Variants in ANK2 observed in about 807,000 individuals in gnomAD.
The protein encoded by ANK2 is ankyrin-2.
ANK2 carries 83 observed loss-of-function variants against 360.5 expected under a neutral mutation model. That is an observed-to-expected ratio of 0.23 (90% CI 0.19 to 0.28). ANK2 has a LOEUF of 0.28. Among genes scored for constraint, ANK2 ranks in the 10% least tolerant of loss-of-function variants. ANK2 has a pLI of 1.00. For missense variants in ANK2, 4,201 were observed against 4,795.7 expected (o/e 0.88, Z 3.66); for synonymous variants, 1,740 against 1,759.5 (o/e 0.99, Z 0.28).
chr4:112,890,813 T>G (rs1228102215), intron 1 of ANK2, among the ~76,000 whole-genome samples: 11 of 152,074 alleles, frequency 7.2e-5, no homozygotes, highest in Non-Finnish European at 1.6e-4. Context: ...GTGATCTGCC[T>G]GCCTCAGCCT....
chr4:113,122,785 C>T (rs1007474796), intron 1 of ANK2, among the ~76,000 whole-genome samples: 13 of 151,994 alleles, frequency 8.6e-5, no homozygotes, highest in South Asian at 2.1e-4. Context: ...TTCTTTATCA[C>T]TCCTCTGATT....
chr4:113,180,900 G>A (rs561039374), intron 2 of ANK2, among the ~76,000 whole-genome samples: 1 of 152,280 alleles, frequency 6.6e-6, no homozygotes, highest in South Asian at 2.1e-4. Context: ...TCTGGTTCTG[G>A]TTATGTGGTT....
At chr4:113,251,270 C>T (rs1191164905) in intron 10 of ANK2, among the ~76,000 whole-genome samples, 1 of 152,006 alleles carries the variant, frequency 6.6e-6, no homozygotes, top group African/African-American at 2.4e-5. Context: ...ATGAAGATGG[C>T]AGGTTACCTG....
At chr4:112,949,747 T>G (rs2094807295) in intron 2 of ANK2, among the ~76,000 whole-genome samples, 1 of 152,228 alleles carries the variant, frequency 6.6e-6, no homozygotes, top group Non-Finnish European at 1.5e-5. Context: ...TAAGCCTTTC[T>G]AAATTTGATG....
Position 113,354,923 on chromosome 4 carries a change from A to G in ANK2, c.6305A>G (p.Glu2102Gly). 1 of 1,614,142 alleles carries G rather than the reference A, an allele frequency of 6.2e-7. No individual in the cohort carries two copies. The highest frequency in any genetic ancestry group is 8.5e-7 in the Non-Finnish European group (1 of 1,180,012). Reference sequence around the variant, plus strand: ...GAACCTGTTCAGTCAGTGCCTGAAGAAGAAAGCCACAGAGAGAGCGAAGTG... The same window carrying G: ...GAACCTGTTCAGTCAGTGCCTGAAGGAGAAAGCCACAGAGAGAGCGAAGTG... ...IPEPVQSVPE[E>G]ESHRESEVPK... Residue 2102 changes from glutamate to glycine, a missense_variant, in exon 38 of 46, where the codon GAA becomes GGA. Coordinates refer to ENST00000357077, the MANE Select transcript of ANK2 (RefSeq NM_001148.6).
In ANK2 at chr4:113,369,750, C is replaced by G. The variant is rs786205739; in HGVS notation, c.11555C>G (p.Ala3852Gly). Residue 3852 changes from alanine to glycine, a missense_variant, in exon 43 of 46, where the codon GCC becomes GGC. Transcript: ENST00000357077. ...ACCAGCCTCGTAATAGTGGAGTCTG[C>G]CGATAACCAGCCTGAGACCTGTGAA... The part of the protein sequence containing the change: ...RKTSLVIVES[A>G]DNQPETCERL... The G allele has an allele frequency of 6.2e-7, 1 of 1,613,946 alleles. No individual in the cohort carries two copies. Among genetic ancestry groups the G allele is most frequent in the East Asian group, 2.2e-5 (1 of 44,878 alleles).
At chr4:113,350,034 A>G (rs1010840372) in intron 36 of ANK2, among the ~76,000 whole-genome samples, 194 bp from the exon 37 acceptor site, 8 of 152,146 alleles carry the variant, frequency 5.3e-5, no homozygotes, top group Non-Finnish European at 1.2e-4. Flanking sequence ...TCTAGAAAAC[A>G]GAAGGTTTTT....
At chr4:113,147,329 C>T (rs1337365987) in intron 1 of ANK2, among the ~76,000 whole-genome samples, 1 of 152,180 alleles carries the variant, frequency 6.6e-6, no homozygotes, top group East Asian at 1.9e-4. Flanking sequence ...CTGGACTTCT[C>T]AGAGCAGTCA....
At chr4:113,263,653 C>T (rs2054301300) in intron 13 of ANK2, among the ~76,000 whole-genome samples, 2 of 152,184 alleles carry the variant, frequency 1.3e-5, no homozygotes, top group South Asian at 4.1e-4. Flanking sequence ...AAATTATTCT[C>T]TGCAGTTTGT....
At chr4:113,351,414 G>T (rs1356263379) in intron 37 of ANK2, among the ~76,000 whole-genome samples, 1 of 151,980 alleles carries the variant, frequency 6.6e-6, no homozygotes, top group Non-Finnish European at 1.5e-5. Flanking sequence ...TGAGATTCTG[G>T]ATGTTTTCAT....
At chr4:112,935,843 A>AAAAC (rs59674042) in intron 2 of ANK2, among the ~76,000 whole-genome samples, 1,665 of 150,860 alleles carry the variant, frequency 0.011, 19 homozygotes, top group African/African-American at 0.03. Flanking sequence ...ACCTTGTCTC[A>AAAAC]AAACAAACAA....
At chr4:113,298,632 A>G (rs566705449) in intron 22 of ANK2, among the ~76,000 whole-genome samples, 1 of 152,324 alleles carries the variant, frequency 6.6e-6, no homozygotes, top group Admixed American at 6.5e-5. Context: ...TCCATCTATT[A>G]TATACCATTT....
chr4:113,143,098 C>T (rs907476340), intron 1 of ANK2, among the ~76,000 whole-genome samples: 1 of 151,870 alleles, frequency 6.6e-6, no homozygotes, highest in Non-Finnish European at 1.5e-5. Context: ...TATTCATTTA[C>T]CTCACAAACA....
chr4:113,152,079 G>GAAAAAAAAAAAAA (rs1554193694), intron 1 of ANK2, among the ~76,000 whole-genome samples: 4 of 25,490 alleles, frequency 1.6e-4, no homozygotes, highest in South Asian at 1.8e-3. Context: ...AAAAAAAAAA[G>GAAAAAAAAAAAAA]AAAAAAAAAA....
chr4:113,009,897 A>G (rs2054136376), intron 2 of ANK2, among the ~76,000 whole-genome samples: 2 of 148,106 alleles, frequency 1.4e-5, no homozygotes, highest in Admixed American at 1.3e-4. Context: ...TTTAGATTCT[A>G]TGTTTCCTAA....
At chr4:113,061,816 A>G (rs2073549005) in intron 1 of ANK2, among the ~76,000 whole-genome samples, 1 of 152,198 alleles carries the variant, frequency 6.6e-6, no homozygotes, top group African/African-American at 2.4e-5. Context: ...ATAGTAAAAA[A>G]TAATGTAATT....
At chr4:112,760,342 A>G in the ANK2 span, among the ~76,000 whole-genome samples, 1 of 151,720 alleles carries the variant, frequency 6.6e-6, no homozygotes, top group Non-Finnish European at 1.5e-5. Context: ...GCCTGCTACC[A>G]CGCCCGGCTA....
rs186035093 is a variant in ANK2, at chr4:113,277,813, T to C, written c.1684-24T>C. On this transcript the variant is annotated intron_variant, in intron 15 of 45. Transcript: ENST00000357077. ...GGAGTTACAACAATAAATACGATTT[T>C]ACTTTTGTTTCTCACATTTTCAGAA... 51 of 1,562,692 alleles carry C rather than the reference T, an allele frequency of 3.3e-5. No homozygotes were observed. In the African/African-American group the frequency reaches 6.5e-4, roughly 20 times the overall value.
intron 1 of ANK2, among the ~76,000 whole-genome samples, chr4:113,079,823 A>G (rs1231500978): frequency 6.6e-6 from 1 of 152,070 alleles, no homozygotes; most frequent in Non-Finnish European, 1.5e-5. Flanking sequence ...AAATAATGAT[A>G]CCTAATTAAA....
Sources: allele counts gnomAD v4.1 joint callset (sites outside exome capture counted in the v4.1 genomes callset), GRCh38; gene constraint gnomAD v4.1.1; transcripts MANE v1.5; gene names NCBI Gene and HGNC (gene_info 2026-07-23, HGNC 2026-07-21).